Variants in ARHGEF12 observed in about 807,000 individuals in gnomAD.
ARHGEF12 encodes the protein KMT2A/ARHGEF12 fusion protein.
A neutral mutation model predicts 211.2 loss-of-function variants in ARHGEF12; 66 were observed. The observed-to-expected ratio is 0.31, with a 90% confidence interval of 0.26 to 0.38. ARHGEF12 has a LOEUF of 0.38. Ranked by LOEUF, ARHGEF12 falls within the 10% of genes least tolerant of loss-of-function variation. The pLI is 1.00. For synonymous variants in ARHGEF12, 592 were observed against 638.4 expected (o/e 0.93, Z 1.09); for missense variants, 1,429 against 1,869.5 (o/e 0.76, Z 4.34).
intron 4 of ARHGEF12, among the ~76,000 whole-genome samples, chr11:120,415,354 T>C (rs1253710722): frequency 2.0e-5 from 3 of 152,186 alleles, no homozygotes; most frequent in Non-Finnish European, 4.4e-5. Flanking sequence ...TTATGTTCTT[T>C]GAGAACAGAA....
At chr11:120,422,860 A>G (rs2135682660) in intron 6 of ARHGEF12, among the ~76,000 whole-genome samples, 1 of 152,304 alleles carries the variant, frequency 6.6e-6, no homozygotes, top group Middle Eastern at 3.4e-3. Flanking sequence ...CAACAGAGAG[A>G]CTAGAAATAG....
intron 1 of ARHGEF12, among the ~76,000 whole-genome samples, chr11:120,384,690 A>G (rs1487425896): frequency 1.3e-5 from 2 of 152,204 alleles, no homozygotes; most frequent in Non-Finnish European, 2.9e-5. Flanking sequence ...AAGATTCACA[A>G]TAATCAAACA....
chr11:120,398,870 T>TA (rs1327053046), intron 1 of ARHGEF12, among the ~76,000 whole-genome samples: 2 of 152,190 alleles, frequency 1.3e-5, no homozygotes, highest in African/African-American at 4.8e-5. Context: ...TATATTCGTA[T>TA]AACCTCTAAA....
intron 1 of ARHGEF12, chr11:120,385,292 T>C: frequency 1.0e-6 from 1 of 985,326 alleles, no homozygotes; most frequent in African/African-American, 1.7e-5. Context: ...GAGGTGGGGT[T>C]TCTTCTTATC....
chr11:120,477,304 G>A lies in ARHGEF12; in HGVS notation c.3451G>A (p.Glu1151Lys), dbSNP rs573127917. 48 of 1,613,716 alleles carry A rather than the reference G, an allele frequency of 3.0e-5. No individual in the cohort carries two copies. In the East Asian group the frequency reaches 3.1e-4, roughly 10 times the overall value. Reference protein sequence around the residue: ...PIPLPQSTPGEGDNDEEDPSK... With the variant: ...PIPLPQSTPGKGDNDEEDPSK... ...TCCATTACCACAGTCAACACCTGGC[G>A]AGTGAGTGTTCCTTTGCATTGTAGT... Residue 1151 changes from glutamate to lysine, a missense_variant and splice_region_variant, in exon 35 of 41, where the codon GAA becomes AAA. By Grantham distance (56) the Glu-to-Lys change is moderately conservative (BLOSUM62 1). Coordinates refer to ENST00000397843, the MANE Select transcript of ARHGEF12 (RefSeq NM_015313.3).
chr11:120,480,498 A>G, intron 38 of ARHGEF12, 68 bp downstream of exon 38: 2 of 1,450,528 alleles, frequency 1.4e-6, no homozygotes, highest in Non-Finnish European at 1.9e-6. Flanking sequence ...GTATTTTGAA[A>G]TGGATGTTGT....
rs1185234767 is a variant in ARHGEF12 at position 120,486,694 on chromosome 11, G to A, written c.*1617G>A. 4.5e-6 allele frequency: 1 copy of A among 220,228 alleles called. No homozygotes were observed. The highest frequency in any genetic ancestry group is 9.1e-6 in the Non-Finnish European group (1 of 110,410). 13.6% of individuals were successfully genotyped at this position (220,228 alleles called of 1,614,324 possible). ...TGGGTTGCTAGGATGTAATTTTAAT[G>A]CTTCCCTGCAGTCCAAAGATGATTT... On this transcript the variant is annotated 3_prime_UTR_variant, in exon 41 of 41. Transcript: ENST00000397843.
intron 1 of ARHGEF12, among the ~76,000 whole-genome samples, chr11:120,345,714 A>AAAAAC (rs1420290489): frequency 4.0e-5 from 6 of 151,400 alleles, no homozygotes; most frequent in Admixed American, 3.9e-4. Flanking sequence ...AAAAAAAAAA[A>AAAAAC]AAAAAAACGA....
At chr11:120,339,930 AC>A (rs1942480385) in intron 1 of ARHGEF12, among the ~76,000 whole-genome samples, 1 of 152,062 alleles carries the variant, frequency 6.6e-6, no homozygotes, top group South Asian at 2.1e-4. Context: ...CCCAGTCCGC[AC>A]CCCTTAAAAC....
intron 1 of ARHGEF12, among the ~76,000 whole-genome samples, chr11:120,362,311 A>G (rs1303705435): frequency 6.6e-6 from 1 of 152,210 alleles, no homozygotes; most frequent in Non-Finnish European, 1.5e-5. Context: ...AATAGTTTCA[A>G]TACTAAGTTG....
At chr11:120,391,402 G>A (rs1944212954) in intron 1 of ARHGEF12, among the ~76,000 whole-genome samples, 1 of 152,174 alleles carries the variant, frequency 6.6e-6, no homozygotes, top group South Asian at 2.1e-4. Context: ...CCCTCCCAGG[G>A]TAGAATTTTT....
Position 120,487,350 on chromosome 11 carries a change from T to G in ARHGEF12, c.*2273T>G. On this transcript the variant is annotated 3_prime_UTR_variant, in exon 41 of 41. Transcript: ENST00000397843. Reference sequence around the variant, plus strand: ...ATAGCTCTAGTACTTCCAAATAAATTCATATCTAGATTTTCAAACAAAGCC... The same window carrying G: ...ATAGCTCTAGTACTTCCAAATAAATGCATATCTAGATTTTCAAACAAAGCC... 1 of 219,098 alleles carries G rather than the reference T, an allele frequency of 4.6e-6. No homozygotes were observed. Among genetic ancestry groups the G allele is most frequent in the Non-Finnish European group, 9.2e-6 (1 of 109,280 alleles). The allele number at this position is 219,098 out of a possible 1,614,324, so 13.6% of individuals were successfully genotyped here. A position where few individuals can be genotyped will look rare whatever the true frequency, so the allele number is the denominator to read the frequency against.
intron 5 of ARHGEF12, 84 bp downstream of exon 5, chr11:120,420,935 G>C: frequency 8.5e-7 from 1 of 1,174,192 alleles, no homozygotes; most frequent in African/African-American, 1.5e-5. Flanking sequence ...GCCAAGAATA[G>C]AATAATTACA....
intron 5 of ARHGEF12, among the ~76,000 whole-genome samples, chr11:120,421,146 A>AC (rs1198203359): frequency 6.6e-6 from 1 of 152,318 alleles, no homozygotes; most frequent in East Asian, 1.9e-4. Context: ...TTTCCATGGC[A>AC]CCACTGATAT....
At position 120,415,365 on chromosome 11, in the gene ARHGEF12, A is replaced by G. The variant is rs1356191827; in HGVS notation, c.200-5388A>G. The stretch of plus-strand genomic sequence containing the variant: ...GATTTTATGTTCTTTGAGAACAGAA[A>G]CTCCAAGTAGTCTTGGGTTCTTCAC... On this transcript the variant is annotated intron_variant, in intron 4 of 40. Coordinates refer to ENST00000397843, the MANE Select transcript of ARHGEF12 (RefSeq NM_015313.3). 1.3e-5 allele frequency among the ~76,000 whole-genome samples: 2 copies of G among 151,976 alleles called. 1 individual carries two copies. The highest frequency in any genetic ancestry group is 2.9e-5 in the Non-Finnish European group (2 of 67,986).
chr11:120,399,321 CAAAAAAAAAAAAAAAAA>C (rs71050743), intron 1 of ARHGEF12, among the ~76,000 whole-genome samples: 45 of 36,502 alleles, frequency 1.2e-3, no homozygotes, highest in African/African-American at 4.0e-3. Context: ...ACATTGTCTC[CAAAAAAAAAAAAAAAAA>C]AAAAAAAAAA....
Position 120,448,939 on chromosome 11 carries a change from A to G in ARHGEF12, c.1738-170A>G, listed in dbSNP as rs1336707692. On this transcript the variant is annotated intron_variant, in intron 20 of 40. Transcript: ENST00000397843. ...AAAACATCTTGAGTTTGAGGTGTAC[A>G]CGGTACTGTGTGCGAACTTTTAATT... 4 of 577,790 alleles carry G rather than the reference A, an allele frequency of 6.9e-6. No homozygotes were observed. In the East Asian group the frequency reaches 1.1e-4, roughly 16 times the overall value. 35.8% of individuals were successfully genotyped at this position (577,790 alleles called of 1,614,324 possible).
intron 31 of ARHGEF12, among the ~76,000 whole-genome samples, chr11:120,473,476 C>T (rs541793591): frequency 5.3e-5 from 8 of 152,158 alleles, no homozygotes; most frequent in Non-Finnish European, 1.0e-4. Flanking sequence ...AGTCTTGGCT[C>T]ACTGAAGCCT....
At chr11:120,441,677 T>C (rs1341834880) in intron 13 of ARHGEF12, 30 bp from the exon 14 acceptor site, 13 of 1,552,240 alleles carry the variant, frequency 8.4e-6, no homozygotes, top group Non-Finnish European at 1.1e-5. Context: ...TATGTTGGAG[T>C]TACTGATGCA....
Sources: allele counts gnomAD v4.1 joint callset (sites outside exome capture counted in the v4.1 genomes callset), GRCh38; gene constraint gnomAD v4.1.1; transcripts MANE v1.5; gene names NCBI Gene and HGNC (gene_info 2026-07-23, HGNC 2026-07-21).